Variants in FOXK2 observed in about 807,000 individuals in gnomAD.
FOXK2 encodes forkhead box K2.
Under a neutral mutation model 53.3 loss-of-function variants are expected in FOXK2, and 24 were observed. The observed-to-expected ratio is 0.45, with a 90% CI of 0.33 to 0.63. The LOEUF is 0.63. Ranked by LOEUF, FOXK2 falls within the 30% of genes least tolerant of loss-of-function variation. The pLI is 0.03. For missense variants in FOXK2, 952 were observed against 910.5 expected (o/e 1.05, Z -0.59); for synonymous variants, 505 against 407.1 (o/e 1.24, Z -2.89).
intron 3 of FOXK2, among the ~76,000 whole-genome samples, chr17:82,569,265 C>G (rs544093766): frequency 6.6e-6 from 1 of 152,290 alleles, no homozygotes; most frequent in South Asian, 2.1e-4. Context: ...GCTGTGCATC[C>G]CCCACCTGCG....
At chr17:82,522,158 TG>T (rs1257658149) in intron 1 of FOXK2, among the ~76,000 whole-genome samples, 1 of 151,452 alleles carries the variant, frequency 6.6e-6, no homozygotes, top group African/African-American at 2.4e-5. Context: ...ACACGGTCTC[TG>T]TGACCTAGCC....
intron 6 of FOXK2, 31 bp downstream of exon 6, chr17:82,584,219 C>T: frequency 6.4e-7 from 1 of 1,553,516 alleles, no homozygotes; most frequent in Non-Finnish European, 8.7e-7. Context: ...GCGAGGGCCC[C>T]AACAGCGTGA....
intron 7 of FOXK2, among the ~76,000 whole-genome samples, chr17:82,586,630 A>G (rs1339973493): frequency 6.6e-6 from 1 of 152,000 alleles, no homozygotes; most frequent in Admixed American, 6.6e-5. Flanking sequence ...GGCCAGGTAC[A>G]GTGGCTCACA....
intron 4 of FOXK2, among the ~76,000 whole-genome samples, chr17:82,572,489 ATTTT>A (rs10569874): frequency 1.4e-5 from 2 of 143,354 alleles, no homozygotes. Context: ...CACACCAATA[ATTTT>A]TTTTTTTTTT....
rs149687057 is a variant in FOXK2, at chr17:82,531,625, T to A, written c.419+11318T>A. Among the ~76,000 whole-genome samples the A allele has an allele frequency of 3.7e-3, 558 of 152,290 alleles. 2 individuals carry two copies. Among genetic ancestry groups the A allele is most frequent in the African/African-American group, 0.012 (490 of 41,546 alleles). On this transcript the variant is annotated intron_variant, in intron 1 of 8. Coordinates refer to ENST00000335255, the MANE Select transcript of FOXK2 (RefSeq NM_004514.4). ...TTAAGCAACATGTGACTGTATTGAA[T>A]GCTGTAACATGGTGTTTGTGTATCT...
intron 8 of FOXK2, chr17:82,587,608 G>A (rs552940182): frequency 2.8e-4 from 109 of 383,976 alleles, no homozygotes; most frequent in African/African-American, 1.4e-3. Context: ...GGCCTCGCGC[G>A]CCCTGTGGCC....
At chr17:82,583,868 G>A (rs1279654417) in intron 5 of FOXK2, 145 bp from the exon 6 acceptor site, 9 of 806,882 alleles carry the variant, frequency 1.1e-5, no homozygotes, top group Non-Finnish European at 1.7e-5. Context: ...AGGCGTAGGC[G>A]TGCAGAGACG....
chr17:82,586,869 C>G (rs937275492), intron 7 of FOXK2, among the ~76,000 whole-genome samples, 194 bp from the exon 8 acceptor site: 21 of 151,990 alleles, frequency 1.4e-4, no homozygotes, highest in African/African-American at 5.1e-4. Context: ...CCATTGGACT[C>G]CAGCTTGGGT....
chr17:82,562,247 G>A (rs2044804039), intron 1 of FOXK2, among the ~76,000 whole-genome samples: 1 of 152,154 alleles, frequency 6.6e-6, no homozygotes, highest in South Asian at 2.1e-4. Context: ...CTCTTTGTTT[G>A]CCAGAGCCAA....
chr17:82,576,643 C>T lies in FOXK2; in HGVS notation c.909+4773C>T, dbSNP rs187560749. On this transcript the variant is annotated intron_variant, in intron 4 of 8. Transcript: ENST00000335255. ...CGCAGATTGTTCTGGGAAGCTGGCA[C>T]AGAAGATGATTGACACAACGAAGTC... 6 of 1,136,468 alleles carry T rather than the reference C, an allele frequency of 5.3e-6. No individual in the cohort carries two copies. The African/African-American group carries it at 7.7e-5, about 15-fold the overall frequency. The allele number at this position is 1,136,468 out of a possible 1,614,324, so 70.4% of individuals were successfully genotyped here. A position where few individuals can be genotyped will look rare whatever the true frequency, so the allele number is the denominator to read the frequency against.
Position 82,586,089 on chromosome 17 carries a change from GC to G in FOXK2, c.1469del (p.Pro490GlnfsTer37). 6.2e-7 allele frequency: 1 copy of G among 1,612,760 alleles called. No individual in the cohort carries two copies. The highest frequency in any genetic ancestry group is 8.5e-7 in the Non-Finnish European group (1 of 1,179,968). Reference sequence around the variant, plus strand: ...GTCGGTCACCAGTGTGGCCGGACTGGCCCCAGCGAACACGTACACTGTCTCT... The same window carrying G: ...GTCGGTCACCAGTGTGGCCGGACTGGCCCAGCGAACACGTACACTGTCTCT... ...AVSVTSVAGL[A>X]PANTYTVSGQ... On this transcript the variant is annotated frameshift_variant, in exon 7 of 9. Coordinates refer to ENST00000335255, the MANE Select transcript of FOXK2 (RefSeq NM_004514.4). LOFTEE classifies it high-confidence loss of function.
chr17:82,584,212 A>C, intron 6 of FOXK2, 24 bp downstream of exon 6: 1 of 1,569,074 alleles, frequency 6.4e-7, no homozygotes, highest in Non-Finnish European at 8.6e-7. Context: ...AGAGGAAGCG[A>C]GGGCCCCAAC....
intron 3 of FOXK2, among the ~76,000 whole-genome samples, chr17:82,570,429 G>C (rs1465393696): frequency 6.6e-6 from 1 of 152,162 alleles, no homozygotes; most frequent in Non-Finnish European, 1.5e-5. Context: ...GGGAGTTCAG[G>C]CTTCAGTGAG....
At chr17:82,547,906 T>C (rs2044642411) in intron 1 of FOXK2, among the ~76,000 whole-genome samples, 1 of 152,212 alleles carries the variant, frequency 6.6e-6, no homozygotes, top group African/African-American at 2.4e-5. Context: ...CTCGCTCTTA[T>C]TCACATGGTA....
At chr17:82,538,830 G>A (rs569296646) in intron 1 of FOXK2, among the ~76,000 whole-genome samples, 5 of 152,274 alleles carry the variant, frequency 3.3e-5, no homozygotes, top group African/African-American at 4.8e-5. Flanking sequence ...TGTACCCTAC[G>A]CCATACCCAC....
In FOXK2 at chr17:82,536,019, G is replaced by A. The variant is rs141149261; in HGVS notation, c.419+15712G>A. Among the ~76,000 whole-genome samples the A allele has an allele frequency of 3.2e-3, 485 of 151,448 alleles. 2 individuals carry two copies. Among genetic ancestry groups the A allele is most frequent in the African/African-American group, 0.011 (458 of 41,178 alleles). On this transcript the variant is annotated intron_variant, in intron 1 of 8. Transcript: ENST00000335255. Reference sequence around the variant, plus strand: ...AGCCTCCCGAAGTGCTGGGATTATAGGTGTGAACCACCGTGCCTGGCATTT... The same window carrying A: ...AGCCTCCCGAAGTGCTGGGATTATAAGTGTGAACCACCGTGCCTGGCATTT...
Position 82,519,853 on chromosome 17 carries a change from C to A in FOXK2, c.-36C>A, listed in dbSNP as rs2044340431. On this transcript the variant is annotated 5_prime_UTR_variant, in exon 1 of 9. Transcript: ENST00000335255. ...GGGCCTCGGCCCGCGCCACCGGCGC[C>A]CGCGCGGAGCGGCCCGGGGGCCCTC... The A allele has an allele frequency of 2.1e-6, 2 of 950,610 alleles. No homozygotes were observed. The highest frequency in any genetic ancestry group is 3.6e-5 in the African/African-American group (2 of 55,832). The allele number at this position is 950,610 out of a possible 1,614,324, so 58.9% of individuals were successfully genotyped here.
chr17:82,601,337 C>T lies in FOXK2; in HGVS notation c.1821C>T (p.His607=), dbSNP rs757673228. 17 of 1,613,126 alleles carry T rather than the reference C, an allele frequency of 1.1e-5. No homozygotes were observed. Among genetic ancestry groups the T allele is most frequent in the East Asian group, 8.9e-5 (4 of 44,878 alleles). ...GTCCTTTGCACATGTTGGCAACACA[C>T]GCATCCGCATCGGCCTCCCTGCCCA... ...AASPLHMLAT[H]ASASASLPTK... Residue 607 remains histidine, a synonymous_variant, in exon 9 of 9, where the codon CAC becomes CAT. Transcript: ENST00000335255.
At position 82,545,947 on chromosome 17, in the gene FOXK2, G is replaced by A. The variant is rs555223397; in HGVS notation, c.420-17407G>A. 2.0e-5 allele frequency among the ~76,000 whole-genome samples: 3 copies of A among 152,206 alleles called. No homozygotes were observed. The South Asian group carries it at 6.2e-4, about 32-fold the overall frequency. ...TGTGCAGTTCATAGCCATTTACACT[G>A]TGTGAGATCCAGTTCAGGGTGCCTC... On this transcript the variant is annotated intron_variant, in intron 1 of 8. Transcript: ENST00000335255.
Sources: allele counts gnomAD v4.1 joint callset (sites outside exome capture counted in the v4.1 genomes callset), GRCh38; gene constraint gnomAD v4.1.1; transcripts MANE v1.5; gene names NCBI Gene and HGNC (gene_info 2026-07-23, HGNC 2026-07-21).